The following RSBN1L variants were observed in gnomAD, a reference collection of about 807,000 sequenced individuals.
RSBN1L encodes lysine-specific demethylase RSBN1L.
Under a neutral mutation model 67.7 loss-of-function variants are expected in RSBN1L, and 30 were observed. The ratio of observed to expected loss-of-function variants is 0.44; its 90% CI spans 0.33 to 0.60. The LOEUF (loss-of-function observed/expected upper bound fraction) is 0.60. Ranked by LOEUF, RSBN1L falls within the 20% of genes least tolerant of loss-of-function variation. The pLI is 0.02. For missense variants in RSBN1L, 992 were observed against 1,031.7 expected (o/e 0.96, Z 0.53); for synonymous variants, 433 against 387.0 (o/e 1.12, Z -1.39).
intron 2 of RSBN1L, 73 bp downstream of exon 2, chr7:77,736,599 A>G (rs1791339021): frequency 2.4e-6 from 2 of 822,250 alleles, no homozygotes; most frequent in Admixed American, 3.3e-5. Context: ...AGTGAATAAA[A>G]TAAGAAATGT....
At chr7:77,762,704 A>G (rs1249329648) in intron 3 of RSBN1L, among the ~76,000 whole-genome samples, 1 of 152,162 alleles carries the variant, frequency 6.6e-6, no homozygotes. Flanking sequence ...TCAATGATAC[A>G]TGTTTTTACT....
chr7:77,698,036 T>C (rs1276448121), intron 1 of RSBN1L, among the ~76,000 whole-genome samples: 1 of 152,006 alleles, frequency 6.6e-6, no homozygotes, highest in Non-Finnish European at 1.5e-5. Flanking sequence ...ATAACTCTTT[T>C]TGTTTTTTAG....
At chr7:77,778,239 A>G (rs11970824) in intron 6 of RSBN1L, 99 bp from the exon 7 acceptor site, 106,840 of 755,504 alleles carry the variant, frequency 0.14, 9,504 homozygotes, top group African/African-American at 0.35. Flanking sequence ...AGACAGTACT[A>G]TGGTATTGAC....
At chr7:77,707,402 A>T (rs1208944432) in intron 1 of RSBN1L, among the ~76,000 whole-genome samples, 3 of 152,196 alleles carry the variant, frequency 2.0e-5, no homozygotes, top group Admixed American at 6.5e-5. Flanking sequence ...ACTCTCAATG[A>T]TTAATCTGAA....
chr7:77,747,344 G>T (rs753135963), intron 2 of RSBN1L, among the ~76,000 whole-genome samples: 1 of 152,192 alleles, frequency 6.6e-6, no homozygotes, highest in Non-Finnish European at 1.5e-5. Context: ...GTCCTAGAAG[G>T]CATTTCAGAG....
In RSBN1L at chr7:77,696,512, G is replaced by A. The variant is rs765744665; in HGVS notation, c.43G>A (p.Ala15Thr). The change falls in exon 1 of 8, where the codon GCC (alanine) becomes ACC (threonine). Residue 15 changes from alanine (A) to threonine (T), a missense_variant. By Grantham distance (58) the Ala-to-Thr change is moderately conservative. Around this residue, in one of 7 missense-constraint regions of RSBN1L, gnomAD observed 575 missense variants for 483.2 expected, o/e 1.19. Coordinates refer to ENST00000334955, the MANE Select transcript of RSBN1L (RefSeq NM_198467.3). ...CCCCGTGCACTGTGTCGCTGCCGCGGCCCCCACCGCCACCGTCTCGGAGAA... is the reference window on the plus strand; with the variant it reads ...CCCCGTGCACTGTGTCGCTGCCGCGACCCCCACCGCCACCGTCTCGGAGAA... ...PSPVHCVAAAAPTATVSEKEP... is the reference protein window; with the variant it reads ...PSPVHCVAAATPTATVSEKEP... 2 of 1,613,650 alleles carry A rather than the reference G, an allele frequency of 1.2e-6. No homozygotes were observed. The highest frequency in any genetic ancestry group is 1.1e-5 in the South Asian group (1 of 91,058).
rs941400070 is a variant in RSBN1L at position 77,779,281 on chromosome 7, T to A, written c.*113T>A. On this transcript the variant is annotated 3_prime_UTR_variant, in exon 8 of 8. Transcript: ENST00000334955. ...CCTATGTCTGTTACAAAACATAGTT[T>A]ATGTAGCTTTGTAACATTCCTCAGT... The A allele has an allele frequency of 1.3e-6, 1 of 758,576 alleles. No homozygotes were observed. Among genetic ancestry groups the A allele is most frequent in the Middle Eastern group, 3.8e-4 (1 of 2,614 alleles). 47.0% of individuals were successfully genotyped at this position (758,576 alleles called of 1,614,324 possible). A position where few individuals can be genotyped will look rare whatever the true frequency, so the allele number is the denominator to read the frequency against.
Position 77,697,049 on chromosome 7 carries a change from C to T in RSBN1L, c.580C>T (p.Pro194Ser), listed in dbSNP as rs1402301509. Residue 194 changes from proline to serine, a missense_variant, in exon 1 of 8, where the codon CCC (proline) becomes TCC (serine). By Grantham distance (74) the Pro-to-Ser change is moderately conservative. This residue lies in a region of RSBN1L where 575 missense variants were observed against 483.2 expected (regional missense o/e 1.19). Coordinates refer to ENST00000334955, the MANE Select transcript of RSBN1L (RefSeq NM_198467.3). ...REENGEVKPLPRDKIKDKIKE... is the reference protein window; with the variant it reads ...REENGEVKPLSRDKIKDKIKE... ...GGAGAACGGGGAGGTGAAGCCGCTG[C>T]CCCGAGGTGGGTGCCGTGCGGGGAG... 2.7e-6 allele frequency: 4 copies of T among 1,479,446 alleles called. No individual in the cohort carries two copies. Among genetic ancestry groups the T allele is most frequent in the Non-Finnish European group, 3.6e-6 (4 of 1,117,480 alleles). The allele number at this position is 1,479,446 out of a possible 1,614,324, so 91.6% of individuals were successfully genotyped here.
rs60910312 is a variant in RSBN1L, at chr7:77,742,180, A to ATACACACACACAC, written c.703+5654_703+5655insTACACACACACAC. On this transcript the variant is annotated intron_variant, in intron 2 of 7. Transcript: ENST00000334955. ...ACCCATCTTTAAAAAAAAAAAAAAA[A>ATACACACACACAC]ATACACACACACACACACACACACA... Among the ~76,000 whole-genome samples the ATACACACACACAC allele has an allele frequency of 1.6e-3, 134 of 82,160 alleles. 1 individual carries two copies. The highest frequency in any genetic ancestry group is 5.3e-3 in the African/African-American group (86 of 16,270). 53.9% of individuals were successfully genotyped at this position (82,160 alleles called of 152,430 possible).
At chr7:77,725,145 C>G (rs964806282) in intron 1 of RSBN1L, among the ~76,000 whole-genome samples, 1 of 144,608 alleles carries the variant, frequency 6.9e-6, no homozygotes. Context: ...CGCCCGGCCA[C>G]AAATCCCTTT....
At chr7:77,774,325 G>A (rs184153735) in intron 6 of RSBN1L, among the ~76,000 whole-genome samples, 4 of 152,146 alleles carry the variant, frequency 2.6e-5, no homozygotes, top group East Asian at 1.9e-4. Flanking sequence ...GATGGCTCAC[G>A]CCTGTAATTC....
intron 3 of RSBN1L, among the ~76,000 whole-genome samples, chr7:77,764,536 T>C (rs556238181): frequency 2.0e-5 from 3 of 152,252 alleles, no homozygotes; most frequent in African/African-American, 7.2e-5. Context: ...AAACCACAGC[T>C]CAAGGAACGC....
chr7:77,703,477 G>GTTGTTTTTTTTT (rs1790845776), intron 1 of RSBN1L, among the ~76,000 whole-genome samples: 1 of 61,574 alleles, frequency 1.6e-5, no homozygotes, highest in African/African-American at 6.8e-5. Flanking sequence ...TACTGTTTGG[G>GTTGTTTTTTTTT]TTTTTTTTTT....
chr7:77,705,510 G>GTTTTTTTTTTTTTT (rs56187940), intron 1 of RSBN1L, among the ~76,000 whole-genome samples: 1 of 111,510 alleles, frequency 9.0e-6, no homozygotes, highest in African/African-American at 3.8e-5. Context: ...CATTGTAATG[G>GTTTTTTTTTTTTTT]TTTTTTTTTT....
At chr7:77,777,429 C>G (rs1014037373) in intron 6 of RSBN1L, among the ~76,000 whole-genome samples, 1 of 151,626 alleles carries the variant, frequency 6.6e-6, no homozygotes. Flanking sequence ...GCTGTTTTCT[C>G]GGTGACAGAT....
intron 3 of RSBN1L, among the ~76,000 whole-genome samples, chr7:77,752,212 T>C (rs1294297905): frequency 6.6e-6 from 1 of 152,144 alleles, no homozygotes; most frequent in Non-Finnish European, 1.5e-5. Context: ...GGGTAATATA[T>C]ATTGCAAAGA....
intron 4 of RSBN1L, among the ~76,000 whole-genome samples, chr7:77,767,911 C>T (rs1199440921): frequency 2.3e-5 from 3 of 130,404 alleles, no homozygotes; most frequent in Non-Finnish European, 4.9e-5. Context: ...AGTGCAGTGG[C>T]GTGATTTCGG....
chr7:77,704,670 A>G (rs1000974306), intron 1 of RSBN1L, among the ~76,000 whole-genome samples: 3 of 152,072 alleles, frequency 2.0e-5, no homozygotes, highest in African/African-American at 7.2e-5. Context: ...TTAAGTAACT[A>G]ATAGTGCTTA....
intron 6 of RSBN1L, 132 bp downstream of exon 6, chr7:77,773,446 G>A (rs1429861456): frequency 5.2e-6 from 3 of 572,282 alleles, no homozygotes; most frequent in Non-Finnish European, 8.5e-6. Context: ...TATCTTAATT[G>A]TATAATTGTA....
Sources: allele counts gnomAD v4.1 joint callset (sites outside exome capture counted in the v4.1 genomes callset), GRCh38; gene constraint gnomAD v4.1.1; regional missense constraint gnomAD v4.1.1; transcripts MANE v1.5; gene names NCBI Gene and HGNC (gene_info 2026-07-23, HGNC 2026-07-21).